Variants in DPP10 observed in about 807,000 individuals in gnomAD.
DPP10 encodes the protein inactive dipeptidyl peptidase 10.
Under a neutral mutation model 120.9 loss-of-function variants are expected in DPP10, and 33 were observed. That is an observed-to-expected ratio of 0.27 (90% confidence interval 0.21 to 0.37). The LOEUF (loss-of-function observed/expected upper bound fraction) is 0.37. Among genes scored for constraint, DPP10 ranks in the 10% least tolerant of loss-of-function variants. The pLI, the probability that DPP10 is intolerant of heterozygous loss-of-function variation, is 1.00. For synonymous variants in DPP10, 337 were observed against 326.1 expected, an observed-to-expected ratio of 1.03 and a Z score of -0.36; for missense variants, 816 against 942.8, an observed-to-expected ratio of 0.87 and a Z score of 1.76.
At chr2:115,570,870 T>C (rs1279137034) in intron 5 of DPP10, among the ~76,000 whole-genome samples, 1 of 152,192 alleles carries the variant, frequency 6.6e-6, no homozygotes, top group African/African-American at 2.4e-5. Context: ...ATACTTGTAT[T>C]TTACATACTG....
chr2:115,632,052 C>T (rs1396746143), intron 5 of DPP10, among the ~76,000 whole-genome samples: 1 of 152,124 alleles, frequency 6.6e-6, no homozygotes, highest in Non-Finnish European at 1.5e-5. Flanking sequence ...ATCTAAGTCT[C>T]TTTGTAGGTC....
At chr2:115,608,339 A>G (rs1283927673) in intron 5 of DPP10, among the ~76,000 whole-genome samples, 3 of 152,086 alleles carry the variant, frequency 2.0e-5, no homozygotes, top group Non-Finnish European at 4.4e-5. Flanking sequence ...GTAGTGAGCC[A>G]AGATTGCATT....
chr2:114,615,373 C>T (rs544341891), intron 1 of DPP10, among the ~76,000 whole-genome samples: 1 of 152,226 alleles, frequency 6.6e-6, no homozygotes, highest in Non-Finnish European at 1.5e-5. Flanking sequence ...TCCCTGAGCT[C>T]TTGCTTTATT....
intron 5 of DPP10, among the ~76,000 whole-genome samples, chr2:115,665,732 A>G (rs942101354): frequency 6.6e-6 from 1 of 151,744 alleles, no homozygotes; most frequent in Admixed American, 6.6e-5. Flanking sequence ...TTTTCCTAAT[A>G]CTTCTTCTCT....
chr2:115,642,397 T>C (rs1377799392), intron 5 of DPP10, among the ~76,000 whole-genome samples: 1 of 152,092 alleles, frequency 6.6e-6, no homozygotes, highest in East Asian at 1.9e-4. Context: ...TAAGGTCTTA[T>C]CAGAAAAAAA....
intron 1 of DPP10, among the ~76,000 whole-genome samples, chr2:114,527,238 T>C (rs1351784553): frequency 6.6e-6 from 1 of 152,206 alleles, no homozygotes; most frequent in Non-Finnish European, 1.5e-5. Flanking sequence ...TGCATACACT[T>C]CTTTTCAACC....
chr2:114,506,063 G>T (rs1477081301), intron 1 of DPP10, among the ~76,000 whole-genome samples: 1 of 152,178 alleles, frequency 6.6e-6, no homozygotes, highest in Non-Finnish European at 1.5e-5. Flanking sequence ...AAGAAGGCAG[G>T]TCCCCGGCAA....
At chr2:114,689,820 T>TAATGATC (rs1324061897) in intron 1 of DPP10, among the ~76,000 whole-genome samples, 1 of 152,170 alleles carries the variant, frequency 6.6e-6, no homozygotes, top group Non-Finnish European at 1.5e-5. Flanking sequence ...TGCGTTTCTC[T>TAATGATC]AATGATCAGT....
At chr2:115,603,434 G>A (rs982234638) in intron 5 of DPP10, among the ~76,000 whole-genome samples, 39 of 148,618 alleles carry the variant, frequency 2.6e-4, no homozygotes, top group African/African-American at 9.4e-4. Flanking sequence ...AGCTTTCTCT[G>A]CACTCCCCAG....
At chr2:114,950,817 A>G (rs950089153) in intron 1 of DPP10, among the ~76,000 whole-genome samples, 3 of 152,218 alleles carry the variant, frequency 2.0e-5, no homozygotes, top group Non-Finnish European at 4.4e-5. Context: ...AATAAATGAT[A>G]TGGAAAAACA....
At chr2:114,790,310 A>G (rs1683128391) in intron 1 of DPP10, among the ~76,000 whole-genome samples, 1 of 152,252 alleles carries the variant, frequency 6.6e-6, no homozygotes, top group Non-Finnish European at 1.5e-5. Context: ...TCTAAGATGT[A>G]TAGAAACAAA....
rs917762732 is a variant in DPP10 at position 115,794,900 on chromosome 2, C to T, written c.1700+3544C>T. Among the ~76,000 whole-genome samples, 3 of 152,250 alleles carry T rather than the reference C, an allele frequency of 2.0e-5. No homozygotes were observed. In the East Asian group the frequency reaches 5.8e-4, roughly 29 times the overall value. On this transcript the variant is annotated intron_variant, in intron 19 of 25. Transcript: ENST00000410059. Reference sequence around the variant, plus strand: ...AATTTAATACCATACACGTCTACCACATTGCTTTTACATATGAGAAGCCGT... The same window carrying T: ...AATTTAATACCATACACGTCTACCATATTGCTTTTACATATGAGAAGCCGT...
At chr2:114,999,981 G>A (rs776469584) in intron 1 of DPP10, among the ~76,000 whole-genome samples, 2 of 151,038 alleles carry the variant, frequency 1.3e-5, no homozygotes, top group Non-Finnish European at 2.9e-5. Flanking sequence ...ACATGCATGT[G>A]TATAAACCCA....
intron 5 of DPP10, among the ~76,000 whole-genome samples, chr2:115,553,169 A>AT (rs1277625414): frequency 6.6e-5 from 10 of 152,028 alleles, no homozygotes; most frequent in African/African-American, 2.4e-4. Flanking sequence ...AGATATTATT[A>AT]TTTTTTATGC....
chr2:115,803,259 T>C (rs1216928272), intron 19 of DPP10, among the ~76,000 whole-genome samples: 3 of 152,084 alleles, frequency 2.0e-5, no homozygotes, highest in Admixed American at 1.3e-4. Context: ...GCAACCCCTG[T>C]CTTTTTTTGT....
chr2:115,638,861 A>C (rs1295627676), intron 5 of DPP10, among the ~76,000 whole-genome samples: 1 of 152,206 alleles, frequency 6.6e-6, no homozygotes, highest in Non-Finnish European at 1.5e-5. Context: ...GGAAGCACTA[A>C]CTGAAGAGAA....
chr2:114,866,615 G>T (rs1394826990), intron 1 of DPP10, among the ~76,000 whole-genome samples: 1 of 152,164 alleles, frequency 6.6e-6, no homozygotes, highest in African/African-American at 2.4e-5. Context: ...AGGCAGCTGA[G>T]GTTTAGAGAT....
At chr2:114,510,959 A>T (rs1684094752) in intron 1 of DPP10, among the ~76,000 whole-genome samples, 2 of 152,258 alleles carry the variant, frequency 1.3e-5, no homozygotes, top group African/African-American at 4.8e-5. Flanking sequence ...AAAGAGCTTA[A>T]GTATGTGGTT....
In DPP10 at chr2:115,639,509, T is replaced by A. The variant is rs553961212; in HGVS notation, c.442-50178T>A. ...AAACATCTGTCCTGGTGTTATAGGT[T>A]GTGCCAGTATATGGGAGGCTGAGGG... On this transcript the variant is annotated intron_variant, in intron 5 of 25. Transcript: ENST00000410059. 3.9e-5 allele frequency among the ~76,000 whole-genome samples: 6 copies of A among 152,222 alleles called. No individual in the cohort carries two copies. The South Asian group carries it at 1.2e-3, about 32-fold the overall frequency.
Sources: allele counts gnomAD v4.1 joint callset (sites outside exome capture counted in the v4.1 genomes callset), GRCh38; gene constraint gnomAD v4.1.1; transcripts MANE v1.5; gene names NCBI Gene and HGNC (gene_info 2026-07-23, HGNC 2026-07-21).